CA8: variants seen among roughly 807,000 people sequenced by gnomAD.
CA8 encodes carbonic anhydrase-related protein.
In CA8, 22 loss-of-function variants were observed where a neutral mutation model predicts 41.4. The ratio of observed to expected loss-of-function variants is 0.53; its 90% CI spans 0.38 to 0.76. The LOEUF is 0.76. CA8 is among the 30% of genes least tolerant of loss of function. The pLI is 0.00. For synonymous variants in CA8, 121 were observed against 130.6 expected (o/e 0.93, Z 0.50); for missense variants, 270 against 352.8 (o/e 0.77, Z 1.88).
intron 3 of CA8, among the ~76,000 whole-genome samples, chr8:60,247,852 C>G (rs568458772): frequency 2.2e-4 from 34 of 152,334 alleles, no homozygotes; most frequent in African/African-American, 7.7e-4. Flanking sequence ...AATGGTTGAA[C>G]TAATTTACAT....
chr8:60,244,261 T>C (rs1004940488), intron 3 of CA8, among the ~76,000 whole-genome samples: 9 of 152,188 alleles, frequency 5.9e-5, no homozygotes, highest in African/African-American at 1.9e-4. Flanking sequence ...CCATAATCTA[T>C]AGATAGACTT....
intron 3 of CA8, among the ~76,000 whole-genome samples, chr8:60,245,669 G>T (rs2130534668): frequency 6.6e-6 from 1 of 152,276 alleles, no homozygotes; most frequent in East Asian, 1.9e-4. Flanking sequence ...CTGAAATACA[G>T]AGCCCAAGTT....
chr8:60,280,279 C>A (rs1273619567), intron 1 of CA8, among the ~76,000 whole-genome samples: 1 of 152,190 alleles, frequency 6.6e-6, no homozygotes, highest in Non-Finnish European at 1.5e-5. Context: ...AGTCAGAACC[C>A]TAACTCTCAT....
In CA8 at chr8:60,269,549, A is replaced by T. The variant is rs1018946702; in HGVS notation, c.293-3500T>A. Among the ~76,000 whole-genome samples the T allele has an allele frequency of 2.0e-5, 3 of 152,218 alleles. No homozygotes were observed. In the East Asian group the frequency reaches 5.8e-4, roughly 29 times the overall value. Reference sequence around the variant, plus strand: ...GACATAAACAAGAGCTCCCTGAGGAAGCTTTTGTAAGATCTGAAAACCCTA... The same window carrying T: ...GACATAAACAAGAGCTCCCTGAGGATGCTTTTGTAAGATCTGAAAACCCTA... On this transcript the variant is annotated intron_variant, in intron 2 of 8. Transcript: ENST00000317995.
intron 2 of CA8, among the ~76,000 whole-genome samples, chr8:60,276,420 C>G (rs1213369075): frequency 1.3e-5 from 2 of 152,046 alleles, no homozygotes; most frequent in Non-Finnish European, 2.9e-5. Flanking sequence ...AGAGAAGATC[C>G]GTCATATGTT....
chr8:60,229,027 T>A (rs1289661324), intron 4 of CA8, among the ~76,000 whole-genome samples: 2 of 152,150 alleles, frequency 1.3e-5, no homozygotes, highest in South Asian at 4.1e-4. Context: ...CACAACCTGG[T>A]ACCAAGAGTC....
At chr8:60,232,902 G>A (rs549494295) in intron 3 of CA8, among the ~76,000 whole-genome samples, 31 of 152,150 alleles carry the variant, frequency 2.0e-4, no homozygotes, top group South Asian at 4.1e-4. Context: ...TTAAAGCCAC[G>A]GTAAAATAAT....
intron 2 of CA8, among the ~76,000 whole-genome samples, chr8:60,272,221 C>G (rs1804095411): frequency 6.6e-6 from 1 of 152,170 alleles, no homozygotes; most frequent in Non-Finnish European, 1.5e-5. Flanking sequence ...GCAGAGATCA[C>G]TCCTGTGTCT....
At chr8:60,233,241 C>G (rs1807720035) in intron 3 of CA8, among the ~76,000 whole-genome samples, 1 of 152,174 alleles carries the variant, frequency 6.6e-6, no homozygotes, top group Non-Finnish European at 1.5e-5. Context: ...ACAACGTCGC[C>G]TTATTTTAAA....
Position 60,279,871 on chromosome 8 carries a change from C to T in CA8, c.110G>A (p.Trp37Ter). Residue 37 changes from tryptophan to a stop codon, truncating the protein, a stop_gained, in exon 2 of 9, where the codon TGG (tryptophan) becomes TAG (stop). Coordinates refer to ENST00000317995, the MANE Select transcript of CA8 (RefSeq NM_004056.6). LOFTEE classifies it high-confidence loss of function. ...VEWGYEEGVE[W>*]GLVFPDANGE... ...ATTAGCATCAGGAAACACCAGACCC[C>T]ACTCAACACCTAAGAACAAAATGAA... 2 of 1,611,434 alleles carry T rather than the reference C, an allele frequency of 1.2e-6. No individual in the cohort carries two copies. Among genetic ancestry groups the T allele is most frequent in the Non-Finnish European group, 1.7e-6 (2 of 1,178,824 alleles).
intron 3 of CA8, among the ~76,000 whole-genome samples, chr8:60,233,226 G>A (rs763807609): frequency 9.9e-5 from 15 of 152,122 alleles, no homozygotes; most frequent in Non-Finnish European, 1.3e-4. Flanking sequence ...ATTACTTACC[G>A]CCTTACAACG....
At chr8:60,258,226 C>G (rs976301341) in intron 3 of CA8, among the ~76,000 whole-genome samples, 3 of 152,240 alleles carry the variant, frequency 2.0e-5, no homozygotes, top group Admixed American at 2.0e-4. Flanking sequence ...AAATAACAGT[C>G]CTAAAGTGTA....
intron 8 of CA8, among the ~76,000 whole-genome samples, chr8:60,192,923 C>T (rs996979467): frequency 2.8e-5 from 4 of 140,842 alleles, no homozygotes; most frequent in African/African-American, 1.1e-4. Context: ...CCTCTTTCCT[C>T]CTGTCAACAT....
chr8:60,255,009 C>T (rs73245678), intron 3 of CA8, among the ~76,000 whole-genome samples: 1,858 of 152,178 alleles, frequency 0.012, 36 homozygotes, highest in Middle Eastern at 0.041. Context: ...TGCTAGCGTC[C>T]AGTGCCAGTG....
intron 3 of CA8, among the ~76,000 whole-genome samples, chr8:60,255,816 G>A (rs1808616118): frequency 6.6e-6 from 1 of 151,982 alleles, no homozygotes; most frequent in Admixed American, 6.6e-5. Context: ...TTTTTAGAAA[G>A]CACTTCAAGT....
chr8:60,209,286 G>A (rs7826359), intron 7 of CA8, among the ~76,000 whole-genome samples: 1 of 151,942 alleles, frequency 6.6e-6, no homozygotes, highest in Admixed American at 6.5e-5. Flanking sequence ...GAGTTCAACA[G>A]CAGCCTGATC....
chr8:60,212,255 T>C (rs1046162343), intron 7 of CA8, among the ~76,000 whole-genome samples: 7 of 152,248 alleles, frequency 4.6e-5, no homozygotes, highest in Admixed American at 1.3e-4. Context: ...TGCTTCTTTA[T>C]TAATGCATTC....
At chr8:60,272,018 C>T (rs989669366) in intron 2 of CA8, among the ~76,000 whole-genome samples, 3 of 152,134 alleles carry the variant, frequency 2.0e-5, no homozygotes, top group Non-Finnish European at 2.9e-5. Context: ...GGTCAGATCA[C>T]CCTGGAATGT....
chr8:60,203,735 GT>G (rs1040382666), intron 8 of CA8, among the ~76,000 whole-genome samples: 2 of 151,830 alleles, frequency 1.3e-5, no homozygotes, highest in African/African-American at 2.4e-5. Flanking sequence ...TTCTGCACTT[GT>G]TTTTTTAGCA....
Sources: allele counts gnomAD v4.1 joint callset (sites outside exome capture counted in the v4.1 genomes callset), GRCh38; gene constraint gnomAD v4.1.1; transcripts MANE v1.5; gene names NCBI Gene and HGNC (gene_info 2026-07-23, HGNC 2026-07-21).